Variants in CRADD observed in about 807,000 individuals in gnomAD.
CRADD encodes CARD and death domain containing adaptor protein.
In CRADD, 9 loss-of-function variants were observed where a neutral mutation model predicts 15.5. The ratio of observed to expected loss-of-function variants is 0.58; its 90% CI spans 0.35 to 1.01. CRADD has a LOEUF of 1.01. Ranked by LOEUF, CRADD falls within the 50% of genes least tolerant of loss-of-function variation. CRADD has a pLI of 0.02. For missense variants in CRADD, 227 were observed against 250.3 expected (o/e 0.91, Z 0.63); for synonymous variants, 118 against 107.6 (o/e 1.10, Z -0.60).
Position 93,833,771 on chromosome 12 carries a change from C to A in CRADD, c.299-16199C>A, listed in dbSNP as rs182029006. The stretch of plus-strand genomic sequence containing the variant: ...TTTTCACATAAAAATGTTATTTTTT[C>A]CCCCTCTATGGTTAAGTAAAGAGAT... On this transcript the variant is annotated intron_variant, in intron 2 of 2. Transcript: ENST00000332896. 6.6e-5 allele frequency among the ~76,000 whole-genome samples: 10 copies of A among 152,054 alleles called. No homozygotes were observed. In the South Asian group the frequency reaches 1.0e-3, roughly 16 times the overall value.
At position 93,823,121 on chromosome 12, in the gene CRADD, T is replaced by C. The variant is rs1367784304; in HGVS notation, c.299-26849T>C. The stretch of plus-strand genomic sequence containing the variant: ...TAGCCTGGTCAACATGGTGAAACCA[T>C]GTCTCTACTGAAAATACAAAATTAG... On this transcript the variant is annotated intron_variant, in intron 2 of 2. Transcript: ENST00000332896. Among the ~76,000 whole-genome samples, 2 of 152,132 alleles carry C rather than the reference T, an allele frequency of 1.3e-5. 1 individual carries two copies. The highest frequency in any genetic ancestry group is 3.9e-4 in the East Asian group (2 of 5,190).
chr12:93,844,917 T>C (rs1958095402), intron 2 of CRADD, among the ~76,000 whole-genome samples: 2 of 152,048 alleles, frequency 1.3e-5, no homozygotes, highest in South Asian at 2.1e-4. Flanking sequence ...TTCCTCCTAA[T>C]ACAGATCAAT....
chr12:93,742,121 A>G (rs1177477876), intron 2 of CRADD, among the ~76,000 whole-genome samples: 2 of 152,222 alleles, frequency 1.3e-5, no homozygotes, highest in Non-Finnish European at 2.9e-5. Flanking sequence ...CTCTCCTTTC[A>G]TGTTAGCCCA....
At chr12:93,810,463 A>C (rs1957610571) in intron 2 of CRADD, among the ~76,000 whole-genome samples, 1 of 146,070 alleles carries the variant, frequency 6.8e-6, no homozygotes, top group African/African-American at 2.5e-5. Context: ...AGGCAGGAGA[A>C]TCGCTTGAAC....
intron 2 of CRADD, among the ~76,000 whole-genome samples, chr12:93,876,637 A>G (rs1958459426): frequency 6.6e-6 from 1 of 151,940 alleles, no homozygotes; most frequent in Non-Finnish European, 1.5e-5. Context: ...TACCAATTGC[A>G]TTTTTCAGCT....
At chr12:93,894,297 G>A in exon 3 of CRADD, 1 of 602,692 alleles carries the variant, frequency 1.7e-6, no homozygotes, top group Non-Finnish European at 3.0e-6. Flanking sequence ...GATTATGTTG[G>A]CATCTAGTGA....
intron 2 of CRADD, among the ~76,000 whole-genome samples, chr12:93,833,137 T>A (rs991776386): frequency 6.6e-6 from 1 of 152,166 alleles, no homozygotes; most frequent in Admixed American, 6.5e-5. Context: ...TGCTAAGTGT[T>A]CATTATAAGG....
chr12:93,893,986 C>T lies in CRADD; in HGVS notation c.299-64C>T, dbSNP rs554071936. ...CTTAAATACATCTCAAAGTGCACCA[C>T]ACACATTAGCTCAGCTGATCGCCAT... On this transcript the variant is annotated intron_variant, in intron 2 of 2. Coordinates refer to the CRADD transcript ENST00000548483. The T allele has an allele frequency of 3.0e-5, 21 of 701,668 alleles. No individual in the cohort carries two copies. In the African/African-American group the frequency reaches 3.5e-4, roughly 12 times the overall value. 43.5% of individuals were successfully genotyped at this position (701,668 alleles called of 1,614,324 possible).
At chr12:93,881,681 A>C (rs1245249612) in intron 2 of CRADD, among the ~76,000 whole-genome samples, 2 of 152,238 alleles carry the variant, frequency 1.3e-5, no homozygotes. Flanking sequence ...GACTTGTACT[A>C]TATAGTCAAC....
chr12:93,743,310 C>T (rs112701791), intron 2 of CRADD, among the ~76,000 whole-genome samples: 1,721 of 152,128 alleles, frequency 0.011, 50 homozygotes, highest in African/African-American at 0.039. Flanking sequence ...GCTGGAGAGC[C>T]GTAATTACTA....
At chr12:93,845,956 A>G (rs1355494464) in intron 2 of CRADD, among the ~76,000 whole-genome samples, 1 of 120,276 alleles carries the variant, frequency 8.3e-6, no homozygotes, top group Non-Finnish European at 1.7e-5. Flanking sequence ...TCCCTCCCCC[A>G]CCCCCTGGCA....
downstream of CRADD, chr12:93,894,771 A>G (rs1958600957): frequency 6.5e-6 from 1 of 152,816 alleles, no homozygotes; most frequent in Non-Finnish European, 1.5e-5. Flanking sequence ...ACACCTGGGA[A>G]TAGGCCGGGG....
At chr12:93,806,469 A>C (rs1177156358) in intron 2 of CRADD, among the ~76,000 whole-genome samples, 1 of 134,078 alleles carries the variant, frequency 7.5e-6, no homozygotes, top group African/African-American at 2.7e-5. Context: ...AAAAAAAAAA[A>C]AAACAAAAAA....
chr12:93,735,268 G>A (rs950797732), intron 2 of CRADD, among the ~76,000 whole-genome samples: 2 of 152,186 alleles, frequency 1.3e-5, no homozygotes, highest in African/African-American at 4.8e-5. Context: ...GGCAGCTTAC[G>A]AAATGGGGCA....
chr12:93,738,709 C>T, intron 2 of CRADD: 1 of 399,424 alleles, frequency 2.5e-6, no homozygotes, highest in Admixed American at 4.4e-5. Context: ...GAAATCTTAA[C>T]TTCATTTCAG....
At chr12:93,843,067 T>C (rs1187102465) in intron 2 of CRADD, among the ~76,000 whole-genome samples, 2 of 152,212 alleles carry the variant, frequency 1.3e-5, no homozygotes, top group Non-Finnish European at 2.9e-5. Context: ...ATGAACATTC[T>C]ATACCACAAT....
At chr12:93,827,025 A>G (rs1230673091) in intron 2 of CRADD, among the ~76,000 whole-genome samples, 2 of 152,204 alleles carry the variant, frequency 1.3e-5, no homozygotes, top group Non-Finnish European at 2.9e-5. Flanking sequence ...GGCCAGGGAC[A>G]AGAAGGGGAC....
chr12:93,832,992 A>G (rs1303529360), intron 2 of CRADD, among the ~76,000 whole-genome samples: 1 of 152,214 alleles, frequency 6.6e-6, no homozygotes, highest in Non-Finnish European at 1.5e-5. Context: ...TTTGAAGTAC[A>G]TGTAATTTTT....
chr12:93,868,872 TG>T (rs1958393946), intron 2 of CRADD, among the ~76,000 whole-genome samples: 1 of 152,164 alleles, frequency 6.6e-6, no homozygotes, highest in Non-Finnish European at 1.5e-5. Context: ...GAAATTGAAG[TG>T]GGTTGTTGGG....
Sources: gnomAD v4.1 joint callset for allele counts (sites outside exome capture counted in the v4.1 genomes callset) on GRCh38, gnomAD v4.1.1 for gene constraint, MANE v1.5 for transcripts, NCBI Gene and HGNC (gene_info 2026-07-23, HGNC 2026-07-21) for gene names.